The following TM2D3 variants were observed in gnomAD, a reference collection of about 807,000 sequenced individuals.
The protein encoded by TM2D3 is TM2 domain containing 3.
A neutral mutation model predicts 27.3 loss-of-function variants in TM2D3; 33 were observed. The ratio of observed to expected loss-of-function variants is 1.21; its 90% confidence interval spans 0.92 to 1.61. The LOEUF is 1.61. Ranked by LOEUF, TM2D3 falls within the 40% of genes most tolerant of loss-of-function variation. The pLI is 0.00. For synonymous variants in TM2D3, 138 were observed against 122.2 expected, an observed-to-expected ratio of 1.13 and a Z score of -0.85; for missense variants, 364 against 320.8, an observed-to-expected ratio of 1.13 and a Z score of -1.03.
At chr15:101,645,306 G>T in intron 4 of TM2D3, 144 bp from the exon 5 acceptor site, 1 of 670,132 alleles carries the variant, frequency 1.5e-6, no homozygotes, top group Non-Finnish European at 2.5e-6. Flanking sequence ...AGTACAAAGC[G>T]CTTACCATCT....
At chr15:101,644,340 G>C (rs1896749395) in intron 5 of TM2D3, among the ~76,000 whole-genome samples, 1 of 152,152 alleles carries the variant, frequency 6.6e-6, no homozygotes, top group Admixed American at 6.5e-5. Flanking sequence ...CAAGGGATGG[G>C]GGGTTTGCTA....
At chr15:101,638,328 C>T (rs1327300046), downstream of TM2D3, among the ~76,000 whole-genome samples, 1 of 151,218 alleles carries the variant, frequency 6.6e-6, no homozygotes, top group South Asian at 2.1e-4. Flanking sequence ...GAGTTTCGCT[C>T]TTGTTGCCCA....
chr15:101,637,334 A>G (rs893791548), downstream of TM2D3, among the ~76,000 whole-genome samples: 1 of 152,212 alleles, frequency 6.6e-6, no homozygotes, highest in Non-Finnish European at 1.5e-5. Flanking sequence ...AGACTGAAAA[A>G]GGTGCCAGAT....
chr15:101,645,098 A>C lies in TM2D3; in HGVS notation c.567T>G (p.Ala189=). 1 of 1,613,790 alleles carries C rather than the reference A, an allele frequency of 6.2e-7. No homozygotes were observed. The highest frequency in any genetic ancestry group is 8.5e-7 in the Non-Finnish European group (1 of 1,179,868). ...NWTGGYKWST[A]LALSITLGGF... ...GTAACAAGGCTTACCTTAGAGCCAG[A>C]GCCGTAGACCACTTATAGCCTCCAG... Residue 189 remains alanine, a synonymous_variant, in exon 5 of 6, where the codon GCT becomes GCG. Coordinates refer to ENST00000333202, the MANE Select transcript of TM2D3 (RefSeq NM_078474.3).
chr15:101,637,215 A>C (rs7169639), downstream of TM2D3, among the ~76,000 whole-genome samples: 15,162 of 152,218 alleles, frequency 0.1, 849 homozygotes, highest in Middle Eastern at 0.2. Flanking sequence ...TAATCAACAG[A>C]GGGGAGTGTC....
At chr15:101,650,221 A>T (rs939940995) in intron 2 of TM2D3, 60 bp from the exon 3 acceptor site, 2 of 1,538,014 alleles carry the variant, frequency 1.3e-6, no homozygotes, top group East Asian at 2.3e-5. Flanking sequence ...AACAGAGAAC[A>T]ATCTTCTAAG....
At chr15:101,652,166 C>T in intron 1 of TM2D3, 105 bp downstream of exon 1, 1 of 1,107,936 alleles carries the variant, frequency 9.0e-7, no homozygotes, top group Non-Finnish European at 1.3e-6. Flanking sequence ...GGCACTCGGC[C>T]TCCTCCCCGC....
chr15:101,644,299 G>A (rs1454219349), intron 5 of TM2D3, among the ~76,000 whole-genome samples: 1 of 152,116 alleles, frequency 6.6e-6, no homozygotes, highest in Non-Finnish European at 1.5e-5. Flanking sequence ...GGGGACACCT[G>A]GCAACATCTG....
At chr15:101,652,182 CGTCCGCCCGTGG>C in intron 1 of TM2D3, 77 bp downstream of exon 1, 34 of 1,226,318 alleles carry the variant, frequency 2.8e-5, no homozygotes, top group Non-Finnish European at 3.7e-5. Context: ...CCCGCGTCAG[CGTCCGCCCGTGG>C]GCCCGGCCTC....
chr15:101,640,637 T>G (rs1896645115), downstream of TM2D3, among the ~76,000 whole-genome samples: 1 of 152,230 alleles, frequency 6.6e-6, no homozygotes, highest in South Asian at 2.1e-4. Context: ...CTTTGCAGTT[T>G]CTTTTTGGGG....
In TM2D3 at chr15:101,641,974, G is replaced by C; in HGVS notation, c.*505C>G. On this transcript the variant is annotated 3_prime_UTR_variant, in exon 6 of 6. Transcript: ENST00000333202. The stretch of plus-strand genomic sequence containing the variant: ...TTCAAATTTTCATATATACAGACCA[G>C]ACTACATATGTATTACACTGCAAAA... 1 of 985,408 alleles carries C rather than the reference G, an allele frequency of 1.0e-6. No homozygotes were observed. The highest frequency in any genetic ancestry group is 1.7e-5 in the African/African-American group (1 of 57,318). 61.0% of individuals were successfully genotyped at this position (985,408 alleles called of 1,614,324 possible). A position where few individuals can be genotyped will look rare whatever the true frequency, so the allele number is the denominator to read the frequency against.
chr15:101,644,509 C>A (rs181935308), intron 5 of TM2D3, among the ~76,000 whole-genome samples: 1 of 152,188 alleles, frequency 6.6e-6, no homozygotes, highest in Non-Finnish European at 1.5e-5. Flanking sequence ...GGGTCTCAGG[C>A]ACGAACTCAA....
chr15:101,638,820 A>T (rs886643294), downstream of TM2D3, among the ~76,000 whole-genome samples: 2 of 152,178 alleles, frequency 1.3e-5, no homozygotes, highest in Non-Finnish European at 2.9e-5. Context: ...TCATTTAAGT[A>T]TTTGAGAAGG....
At chr15:101,650,206 C>G in intron 2 of TM2D3, 45 bp from the exon 3 acceptor site, 1 of 1,565,882 alleles carries the variant, frequency 6.4e-7, no homozygotes, top group Non-Finnish European at 8.7e-7. Context: ...AATACTGATT[C>G]GAATAACAGA....
intron 3 of TM2D3, 128 bp from the exon 4 acceptor site, chr15:101,647,027 C>A: frequency 2.3e-6 from 2 of 884,734 alleles, no homozygotes; most frequent in Non-Finnish European, 3.5e-6. Context: ...GAGTAAGTGC[C>A]AGAAAAACAG....
intron 5 of TM2D3, among the ~76,000 whole-genome samples, chr15:101,644,639 A>G (rs1213381326): frequency 6.6e-6 from 1 of 152,214 alleles, no homozygotes; most frequent in East Asian, 1.9e-4. Context: ...AAGTTTAACA[A>G]ACAGCACATT....
chr15:101,651,818 A>G (rs1373254454), intron 1 of TM2D3, 45 bp from the exon 2 acceptor site: 1 of 1,604,672 alleles, frequency 6.2e-7, no homozygotes, highest in Non-Finnish European at 8.5e-7. Context: ...TTATCCCGGG[A>G]CAAGAAAACC....
At chr15:101,649,673 A>C (rs1463591349) in intron 3 of TM2D3, among the ~76,000 whole-genome samples, 1 of 152,230 alleles carries the variant, frequency 6.6e-6, no homozygotes, top group Non-Finnish European at 1.5e-5. Context: ...ACTATTGAGA[A>C]CACAGAATCC....
At chr15:101,633,622 C>G (rs1344694901) in exon 5 of TM2D3, 1 of 1,433,712 alleles carries the variant, frequency 7.0e-7, no homozygotes, top group African/African-American at 1.4e-5. Context: ...TAATTCAGCA[C>G]TTCTCATGCT....
Sources: allele counts gnomAD v4.1 joint callset (sites outside exome capture counted in the v4.1 genomes callset), GRCh38; gene constraint gnomAD v4.1.1; transcripts MANE v1.5; gene names NCBI Gene and HGNC (gene_info 2026-07-23, HGNC 2026-07-21).